Variants in HEMK2 observed in about 807,000 individuals in gnomAD.
The protein encoded by HEMK2 is HemK methyltransferase 2, ETF1 glutamine and histone H4 lysine, also known as methyltransferase HEMK2.
At chr21:28,734,009 T>C in the HEMK2 span, among the ~76,000 whole-genome samples, 1 of 68,864 alleles carries the variant, frequency 1.5e-5, no homozygotes. Flanking sequence ...ATTATCATCT[T>C]TCCTGAGAGA....
At chr21:28,670,473 G>A in the HEMK2 span, among the ~76,000 whole-genome samples, 2 of 152,040 alleles carry the variant, frequency 1.3e-5, no homozygotes, top group African/African-American at 4.8e-5. Flanking sequence ...ATAAGGACAC[G>A]GTTTCTCTCT....
chr21:28,876,141 T>C, the HEMK2 span: 5 of 294,314 alleles, frequency 1.7e-5, no homozygotes, highest in East Asian at 2.9e-4. Context: ...TACCACATAA[T>C]GCTGAAATAA....
At chr21:28,657,606 A>G in the HEMK2 span, among the ~76,000 whole-genome samples, 1 of 152,110 alleles carries the variant, frequency 6.6e-6, no homozygotes, top group African/African-American at 2.4e-5. Context: ...AAACCTCTGG[A>G]AGTCAGAACA....
chr21:28,685,475 T>G, the HEMK2 span, among the ~76,000 whole-genome samples: 1 of 151,902 alleles, frequency 6.6e-6, no homozygotes, highest in South Asian at 2.1e-4. Context: ...TGTGGTAAAG[T>G]GGAAAAGGAA....
At chr21:28,650,780 G>C in the HEMK2 span, among the ~76,000 whole-genome samples, 1 of 152,186 alleles carries the variant, frequency 6.6e-6, no homozygotes, top group Non-Finnish European at 1.5e-5. Context: ...ATATAAAGGG[G>C]AGTTGAATCC....
At chr21:28,723,166 T>C in the HEMK2 span, among the ~76,000 whole-genome samples, 3 of 152,050 alleles carry the variant, frequency 2.0e-5, no homozygotes, top group Non-Finnish European at 2.9e-5. Context: ...CACACTGCCA[T>C]GACCAGCTAA....
At chr21:28,580,568 TA>T in the HEMK2 span, among the ~76,000 whole-genome samples, 29 of 148,150 alleles carry the variant, frequency 2.0e-4, no homozygotes, top group Admixed American at 8.7e-4. Context: ...TTAATGCACT[TA>T]AAAAAAAAAA....
the HEMK2 span, among the ~76,000 whole-genome samples, chr21:28,862,508 G>A: frequency 9.6e-5 from 14 of 145,190 alleles, no homozygotes; most frequent in South Asian, 2.1e-4. Flanking sequence ...GCGCGGTGGC[G>A]GGCGCCTGTA....
chr21:28,724,561 T>C, the HEMK2 span, among the ~76,000 whole-genome samples: 1 of 152,238 alleles, frequency 6.6e-6, no homozygotes, highest in Non-Finnish European at 1.5e-5. Context: ...TTTGTTTGTT[T>C]GTTTGTTTTT....
chr21:28,575,864 ATTC>A, the HEMK2 span, among the ~76,000 whole-genome samples: 1 of 152,190 alleles, frequency 6.6e-6, no homozygotes, highest in East Asian at 1.9e-4. Context: ...CTCCGTGTTT[ATTC>A]TTTCACTCAA....
chr21:28,745,180 C>T, the HEMK2 span, among the ~76,000 whole-genome samples: 34,811 of 152,026 alleles, frequency 0.23, 4,623 homozygotes, highest in African/African-American at 0.35. Flanking sequence ...TGTGTTAGAT[C>T]TCTAAGAGCT....
the HEMK2 span, among the ~76,000 whole-genome samples, chr21:28,582,919 T>C: frequency 2.4e-4 from 37 of 152,174 alleles, no homozygotes; most frequent in African/African-American, 6.8e-4. Flanking sequence ...GTTGATAATA[T>C]CAAGACAGTA....
At chr21:28,615,382 CTCTCTGTCTCTG>C in the HEMK2 span, among the ~76,000 whole-genome samples, 23 of 151,310 alleles carry the variant, frequency 1.5e-4, no homozygotes, top group African/African-American at 5.1e-4. Context: ...CTCTCTCTGT[CTCTCTGTCTCTG>C]TCGCTGTCTC....
the HEMK2 span, among the ~76,000 whole-genome samples, chr21:28,741,235 C>T: frequency 7.2e-5 from 11 of 152,260 alleles, 2 homozygotes; most frequent in South Asian, 2.1e-3. Flanking sequence ...AGTCAGTTTC[C>T]TAACCCACTC....
At chr21:28,852,673 G>C in the HEMK2 span, among the ~76,000 whole-genome samples, 22 of 152,004 alleles carry the variant, frequency 1.4e-4, no homozygotes, top group African/African-American at 3.4e-4. Context: ...AGGGGTTATA[G>C]GTCTGTAAAC....
the HEMK2 span, among the ~76,000 whole-genome samples, chr21:28,803,371 C>G: frequency 3.3e-5 from 5 of 152,058 alleles, no homozygotes; most frequent in African/African-American, 4.8e-5. Flanking sequence ...TAAGAAATGG[C>G]CTTTGTATAC....
the HEMK2 span, chr21:28,873,969 T>C: frequency 6.6e-6 from 1 of 152,246 alleles, no homozygotes; most frequent in South Asian, 2.1e-4. Context: ...CCTTGATTCC[T>C]GGACCTGTGA....
the HEMK2 span, among the ~76,000 whole-genome samples, chr21:28,671,933 G>A: frequency 2.6e-5 from 4 of 152,080 alleles, no homozygotes; most frequent in East Asian, 1.9e-4. Flanking sequence ...CTATCATTTC[G>A]CTGGAAAACA....
At chr21:28,732,872 T>C in the HEMK2 span, among the ~76,000 whole-genome samples, 1 of 152,276 alleles carries the variant, frequency 6.6e-6, no homozygotes, top group Admixed American at 6.5e-5. Context: ...TGTCTGCCTC[T>C]AGATAAAATT....
Sources: allele counts gnomAD v4.1 joint callset (sites outside exome capture counted in the v4.1 genomes callset), GRCh38; gene constraint gnomAD v4.1.1; transcripts MANE v1.5; gene names NCBI Gene and HGNC (gene_info 2026-07-23, HGNC 2026-07-21).